Variants in SRPX observed in about 807,000 individuals in gnomAD.
SRPX encodes sushi repeat containing protein X-linked, also known as sushi repeat-containing protein SRPX.
SRPX carries 24 observed loss-of-function variants against 38.1 expected under a neutral mutation model. That is an observed-to-expected ratio of 0.63 (90% CI 0.46 to 0.89). SRPX has a LOEUF of 0.89. Ranked by LOEUF, SRPX falls within the 40% of genes least tolerant of loss-of-function variation. The probability of loss-of-function intolerance (pLI) is 0.00; values close to 1 mark genes in which losing one functional copy is unlikely to be tolerated. For synonymous variants in SRPX, 184 were observed against 153.8 expected, an observed-to-expected ratio of 1.20 and a Z score of -1.45; for missense variants, 416 against 377.8, an observed-to-expected ratio of 1.10 and a Z score of -0.84.
chrX:38,207,825 C>T (rs970182133), intron 1 of SRPX, among the ~76,000 whole-genome samples: 1 of 112,350 alleles, frequency 8.9e-6, no homozygotes, highest in Admixed American at 9.4e-5. Flanking sequence ...AAATCAAGAA[C>T]CCATCCATCC....
At chrX:38,218,044 G>A (rs183750815) in intron 1 of SRPX, among the ~76,000 whole-genome samples, 16 of 112,139 alleles carry the variant, frequency 1.4e-4, no homozygotes, top group Non-Finnish European at 2.8e-4. Flanking sequence ...TATAACCTGA[G>A]CTAGGTGCTC....
At chrX:38,198,781 C>T (rs1384413883) in intron 1 of SRPX, among the ~76,000 whole-genome samples, 1 of 111,571 alleles carries the variant, frequency 9.0e-6, no homozygotes, top group Non-Finnish European at 1.9e-5. Context: ...AAGGACATTA[C>T]TAACATATTA....
chrX:38,185,902 G>T (rs757948478), intron 1 of SRPX, among the ~76,000 whole-genome samples: 22 of 105,084 alleles, frequency 2.1e-4, no homozygotes, highest in East Asian at 3.1e-4. Flanking sequence ...AAAAAAAGGG[G>T]GGGGGGAGTG....
intron 1 of SRPX, among the ~76,000 whole-genome samples, chrX:38,195,574 G>A (rs1242141700): frequency 9.0e-6 from 1 of 111,069 alleles, no homozygotes; most frequent in Non-Finnish European, 1.9e-5. Flanking sequence ...ATTACCATTT[G>A]GGCCTCCAAC....
chrX:38,165,897 G>A (rs1400455664), intron 4 of SRPX, among the ~76,000 whole-genome samples: 1 of 111,702 alleles, frequency 9.0e-6, no homozygotes, highest in Non-Finnish European at 1.9e-5. Flanking sequence ...GTTCTGCCTC[G>A]ATAGTGATAA....
intron 4 of SRPX, among the ~76,000 whole-genome samples, chrX:38,169,308 T>A (rs1046297108): frequency 8.9e-6 from 1 of 111,909 alleles, no homozygotes; most frequent in Non-Finnish European, 1.9e-5. Flanking sequence ...ATCAACTGAA[T>A]AATGCAATGC....
At chrX:38,194,825 T>C (rs1938964102) in intron 1 of SRPX, among the ~76,000 whole-genome samples, 1 of 108,689 alleles carries the variant, frequency 9.2e-6, no homozygotes, top group Admixed American at 9.9e-5. Context: ...GTCAAAAGCA[T>C]GCAAATGTAA....
chrX:38,191,541 GACACACAC>G (rs10570334), intron 1 of SRPX, among the ~76,000 whole-genome samples: 27 of 105,283 alleles, frequency 2.6e-4, no homozygotes, highest in East Asian at 1.2e-3. Flanking sequence ...ATTATACACA[GACACACAC>G]ACACACACAC....
rs1388885756 is a variant in SRPX, at chrX:38,178,219, C to T, written c.157+66G>A. ...GGTCACTTTATTACAATCTGTTTCA[C>T]AAGGCAAAAAGGAAAGTTCTCCTGG... On this transcript the variant is annotated intron_variant, in intron 2 of 9. Transcript: ENST00000378533. 6 of 916,191 alleles carry T rather than the reference C, an allele frequency of 6.5e-6. No individual in the cohort carries two copies. The African/African-American group carries it at 9.8e-5, about 15-fold the overall frequency. 75.5% of individuals were successfully genotyped at this position (916,191 alleles called of 1,213,427 possible).
chrX:38,220,799 C>CCCCCACAT lies in SRPX; in HGVS notation c.-8_-7insATGTGGGG. Reference sequence around the variant, plus strand: ...GATGTGCGGGGCTCCCCATGGCGAGCGGGCGCTTAGCTCGCCTCGGCAGCG... The same window carrying CCCCCACAT: ...GATGTGCGGGGCTCCCCATGGCGAGCCCCCACATGGGCGCTTAGCTCGCCTCGGCAGCG... On this transcript the variant is annotated 5_prime_UTR_variant, in exon 1 of 10. In the 5' UTR this introduces an upstream ATG that the reference lacks. Coordinates refer to ENST00000378533, the MANE Select transcript of SRPX (RefSeq NM_006307.5). 9.1e-7 allele frequency: 1 copy of CCCCCACAT among 1,093,148 alleles called. No homozygotes were observed. Among genetic ancestry groups the CCCCCACAT allele is most frequent in the Admixed American group, 3.4e-5 (1 of 29,353 alleles). 90.1% of individuals were successfully genotyped at this position (1,093,148 alleles called of 1,213,427 possible). A position where few individuals can be genotyped will look rare whatever the true frequency, so the allele number is the denominator to read the frequency against.
At chrX:38,214,577 C>T (rs1050066120) in intron 1 of SRPX, among the ~76,000 whole-genome samples, 3 of 112,025 alleles carry the variant, frequency 2.7e-5, no homozygotes, top group Non-Finnish European at 5.6e-5. Context: ...AACACAATGA[C>T]CCTACTCCTT....
At chrX:38,170,631 T>C (rs1399657286) in intron 4 of SRPX, among the ~76,000 whole-genome samples, 1 of 111,743 alleles carries the variant, frequency 8.9e-6, no homozygotes, top group Non-Finnish European at 1.9e-5. Context: ...AACTGTAATA[T>C]GAATCTCCTG....
rs1420696221 is a variant in SRPX, at chrX:38,220,842, G to A, written c.-50C>T. 4.0e-5 allele frequency: 42 copies of A among 1,063,241 alleles called. No individual in the cohort carries two copies. The highest frequency in any genetic ancestry group is 6.0e-5 in the African/African-American group (3 of 50,384). The allele number at this position is 1,063,241 out of a possible 1,213,427, so 87.6% of individuals were successfully genotyped here. A position where few individuals can be genotyped will look rare whatever the true frequency, so the allele number is the denominator to read the frequency against. ...CGGCAGCGCAGCGCGCTTCCCGGGGGCGGCAGGAGACCGAAGAGACCAAGG... is the reference window on the plus strand; with the variant it reads ...CGGCAGCGCAGCGCGCTTCCCGGGGACGGCAGGAGACCGAAGAGACCAAGG... On this transcript the variant is annotated 5_prime_UTR_variant, in exon 1 of 10. Transcript: ENST00000378533.
At chrX:38,204,135 G>A (rs4827338) in intron 1 of SRPX, among the ~76,000 whole-genome samples, 40,025 of 111,054 alleles carry the variant, frequency 0.36, 5,705 homozygotes, top group East Asian at 0.69. Context: ...TGGATTGAAA[G>A]ATTCAAATAT....
At position 38,220,785 on chromosome X, in the gene SRPX, C is replaced by T. The variant is rs758438126; in HGVS notation, c.8G>A (p.Ser3Asn). MG[S>N]PAHRPALLLL... The stretch of plus-strand genomic sequence containing the variant: ...CAGCAGCGCGGGCCGATGTGCGGGG[C>T]TCCCCATGGCGAGCGGGCGCTTAGC... The change falls in exon 1 of 10, where the codon AGC becomes AAC. Residue 3 changes from serine to asparagine, a missense_variant. Ser to Asn is a conservative substitution (Grantham distance 46). Transcript: ENST00000378533. 4.5e-6 allele frequency: 5 copies of T among 1,104,326 alleles called. No homozygotes were observed. Among genetic ancestry groups the T allele is most frequent in the Non-Finnish European group, 5.9e-6 (5 of 851,076 alleles). 91.0% of individuals were successfully genotyped at this position (1,104,326 alleles called of 1,213,427 possible).
chrX:38,153,101 T>C (rs1178468892), intron 9 of SRPX, among the ~76,000 whole-genome samples: 2 of 111,512 alleles, frequency 1.8e-5, no homozygotes, highest in African/African-American at 3.3e-5. Flanking sequence ...TGCTAGGTAC[T>C]GAGTAGCCAA....
At chrX:38,193,829 G>A (rs969194076) in intron 1 of SRPX, among the ~76,000 whole-genome samples, 1 of 111,979 alleles carries the variant, frequency 8.9e-6, no homozygotes, top group Non-Finnish European at 1.9e-5. Flanking sequence ...CAAGCAATTA[G>A]GATCCTATTT....
intron 1 of SRPX, among the ~76,000 whole-genome samples, chrX:38,186,145 A>G (rs1938778917): frequency 8.9e-6 from 1 of 112,037 alleles, no homozygotes; most frequent in Non-Finnish European, 1.9e-5. Flanking sequence ...TGTGGTGTCC[A>G]TCTTGAATAC....
At position 38,149,648 on chromosome X, in the gene SRPX, T is replaced by C; in HGVS notation, c.*63A>G. On this transcript the variant is annotated 3_prime_UTR_variant, in exon 10 of 10. Coordinates refer to ENST00000378533, the MANE Select transcript of SRPX (RefSeq NM_006307.5). The stretch of plus-strand genomic sequence containing the variant: ...TGTACATCAAGGATATTTTTAAGGC[T>C]TTCCCGTGTGCATGTCACTATGTAG... 5 of 1,039,479 alleles carry C rather than the reference T, an allele frequency of 4.8e-6. No individual in the cohort carries two copies. The highest frequency in any genetic ancestry group is 6.4e-6 in the Non-Finnish European group (5 of 778,631). 85.7% of individuals were successfully genotyped at this position (1,039,479 alleles called of 1,213,427 possible).
Sources: allele counts gnomAD v4.1 joint callset (sites outside exome capture counted in the v4.1 genomes callset), GRCh38; gene constraint gnomAD v4.1.1; transcripts MANE v1.5; gene names NCBI Gene and HGNC (gene_info 2026-07-23, HGNC 2026-07-21).